GPX5: variants seen among roughly 807,000 people sequenced by gnomAD.
The protein encoded by GPX5 is epididymal secretory glutathione peroxidase.
GPX5 carries 20 observed loss-of-function variants against 23.8 expected under a neutral mutation model. The ratio of observed to expected loss-of-function variants is 0.84; its 90% CI spans 0.59 to 1.22. GPX5 has a LOEUF of 1.22. GPX5 is among the 50% of genes most tolerant of loss of function. GPX5 has a pLI of 0.00. For missense variants in GPX5, 230 were observed against 266.6 expected, an observed-to-expected ratio of 0.86 and a Z score of 0.96; for synonymous variants, 92 against 99.5, an observed-to-expected ratio of 0.92 and a Z score of 0.45.
chr6:28,534,032 T>C lies in GPX5; in HGVS notation c.531T>C (p.His177=). 1 of 1,611,164 alleles carries C rather than the reference T, an allele frequency of 6.2e-7. No individual in the cohort carries two copies. The change falls in exon 5 of 5, where the codon CAT becomes CAC. Residue 177 remains histidine, a synonymous_variant. Transcript: ENST00000412168. ...KSISWDPVKV[H]DIRWNFEKFL... is the part of the protein sequence containing the mutation. ...TATCCTGGGACCCTGTAAAGGTCCA[T>C]GACATCCGTTGGAACTTTGAAAAGT...
rs1156565601 is a variant in GPX5, at chr6:28,531,791, C to G, written c.255C>G (p.Leu85=). The change falls in exon 3 of 5, where the codon CTC becomes CTG. Residue 85 remains leucine (L), a synonymous_variant. Coordinates refer to ENST00000412168, the MANE Select transcript of GPX5 (RefSeq NM_001509.3). The stretch of plus-strand genomic sequence containing the variant: ...CTCTAACTGCAGAACTAAATGCACT[C>G]CAGGAGGAGCTGAAGCCCTATGGTC... ...LTAQYPELNA[L]QEELKPYGLV... 6.2e-7 allele frequency: 1 copy of G among 1,610,946 alleles called. No homozygotes were observed. Among genetic ancestry groups the G allele is most frequent in the Non-Finnish European group, 8.5e-7 (1 of 1,178,322 alleles).
At chr6:28,530,167 C>T (rs28382598) in intron 2 of GPX5, 3 of 152,188 alleles carry the variant, frequency 2.0e-5, no homozygotes, top group Non-Finnish European at 4.4e-5. Context: ...ATACCTGGAA[C>T]TGCATTTGAT....
rs1285051613 is a variant in GPX5 at position 28,534,277 on chromosome 6, A to G, written c.*110A>G. On this transcript the variant is annotated 3_prime_UTR_variant, in exon 5 of 5. Coordinates refer to ENST00000412168, the MANE Select transcript of GPX5 (RefSeq NM_001509.3). ...TCTTCTCACCACACTCTCTTCCTGC[A>G]TGGGCTCCACCTGAGTAAATCACCG... is the stretch of plus-strand genomic sequence containing the variant. The G allele has an allele frequency of 2.9e-6, 2 of 687,052 alleles. No individual in the cohort carries two copies. The highest frequency in any genetic ancestry group is 2.3e-6 in the Non-Finnish European group (1 of 429,928). The allele number at this position is 687,052 out of a possible 1,614,324, so 42.6% of individuals were successfully genotyped here.
At chr6:28,528,793 G>GTA (rs1366922913) in intron 1 of GPX5, among the ~76,000 whole-genome samples, 3,867 of 123,736 alleles carry the variant, frequency 0.031, 137 homozygotes, top group Non-Finnish European at 0.046. Flanking sequence ...GTATATATAT[G>GTA]TGTATATATA....
chr6:28,534,237 A>C lies in GPX5; in HGVS notation c.*70A>C. 8.9e-7 allele frequency: 1 copy of C among 1,121,548 alleles called. No homozygotes were observed. 69.5% of individuals were successfully genotyped at this position (1,121,548 alleles called of 1,614,324 possible). Reference sequence around the variant, plus strand: ...GACTTGCTCTCCCCACCCCTCCAAAAAAAAGGAATACCCATCTTCTCACCA... The same window carrying C: ...GACTTGCTCTCCCCACCCCTCCAAACAAAAGGAATACCCATCTTCTCACCA... On this transcript the variant is annotated 3_prime_UTR_variant, in exon 5 of 5. Transcript: ENST00000412168.
At position 28,534,164 on chromosome 6, in the gene GPX5, A is replaced by G. The variant is rs1461055879; in HGVS notation, c.663A>G (p.Lys221=). 5.1e-6 allele frequency: 8 copies of G among 1,579,298 alleles called. No individual in the cohort carries two copies. The highest frequency in any genetic ancestry group is 6.0e-6 in the Non-Finnish European group (7 of 1,164,236). Residue 221 remains lysine, a synonymous_variant, in exon 5 of 5, where the codon AAA becomes AAG. Coordinates refer to ENST00000412168, the MANE Select transcript of GPX5 (RefSeq NM_001509.3). The part of the protein sequence containing the change: ...ILAYLKQFKT[K] ...CGTACTTGAAGCAATTCAAAACCAA[A>G]TAGGAAGGTGGAGTTAAGGGCAGGA...
At chr6:28,531,994 T>C (rs1763333323) in intron 3 of GPX5, 99 bp downstream of exon 3, 2 of 852,174 alleles carry the variant, frequency 2.3e-6, no homozygotes, top group Non-Finnish European at 3.9e-6. Context: ...AGGTATGGAT[T>C]AATAGGCTCA....
At position 28,526,198 on chromosome 6, in the gene GPX5, T is replaced by C. The variant is rs1763205855; in HGVS notation, c.87+98T>C. The C allele has an allele frequency of 4.4e-6, 4 of 916,708 alleles. No individual in the cohort carries two copies. In the South Asian group the frequency reaches 5.7e-5, roughly 13 times the overall value. 56.8% of individuals were successfully genotyped at this position (916,708 alleles called of 1,614,324 possible). ...TTGTAAGACTCCAACTCCTGCTTTC[T>C]TCTTCTTTGCCAGTTCCCCTAAACC... On this transcript the variant is annotated intron_variant, in intron 1 of 4. Transcript: ENST00000412168.
intron 4 of GPX5, among the ~76,000 whole-genome samples, chr6:28,533,470 C>T (rs190031924): frequency 2.3e-4 from 35 of 152,278 alleles, no homozygotes; most frequent in African/African-American, 8.4e-4. Flanking sequence ...CCTTTATTCA[C>T]AAATTATGAC....
intron 2 of GPX5, among the ~76,000 whole-genome samples, chr6:28,531,339 C>G (rs1247064466): frequency 7.1e-6 from 1 of 140,044 alleles, no homozygotes; most frequent in Non-Finnish European, 1.5e-5. Context: ...CCACTGCACT[C>G]CAGCCTGGGC....
chr6:28,529,690 T>A, intron 2 of GPX5, 86 bp downstream of exon 2: 1 of 950,752 alleles, frequency 1.1e-6, no homozygotes, highest in Non-Finnish European at 1.5e-6. Flanking sequence ...ATATTTTAAT[T>A]ATAATTATGT....
chr6:28,533,806 T>G (rs1250029708), intron 4 of GPX5, among the ~76,000 whole-genome samples, 155 bp from the exon 5 acceptor site: 1 of 152,182 alleles, frequency 6.6e-6, no homozygotes. Context: ...GTAGTTGGCA[T>G]AGTGGTGATT....
intron 2 of GPX5, chr6:28,529,873 G>C: frequency 3.0e-6 from 1 of 328,048 alleles, no homozygotes; most frequent in South Asian, 1.1e-4. Flanking sequence ...CTGTAAAATA[G>C]AGGTTAGTAG....
chr6:28,533,289 C>G (rs926447733), intron 4 of GPX5, among the ~76,000 whole-genome samples: 6 of 152,092 alleles, frequency 3.9e-5, no homozygotes, highest in African/African-American at 1.2e-4. Context: ...CAAGACCAGT[C>G]CATGTTAAGA....
In GPX5 at chr6:28,526,110, C is replaced by T; in HGVS notation, c.87+10C>T. On this transcript the variant is annotated intron_variant, in intron 1 of 4. Transcript: ENST00000412168. ...GCAGGAGAAGATGAAGGTGAGTGAG[C>T]TTCAGAGAGGGCATGGTAGTTACTC... 6.2e-7 allele frequency: 1 copy of T among 1,603,376 alleles called. No homozygotes were observed. Among genetic ancestry groups the T allele is most frequent in the Non-Finnish European group, 8.5e-7 (1 of 1,171,264 alleles).
At chr6:28,528,813 GTATATATATATATATA>G (rs70983945) in intron 1 of GPX5, among the ~76,000 whole-genome samples, 5 of 95,710 alleles carry the variant, frequency 5.2e-5, no homozygotes, top group African/African-American at 1.1e-4. Context: ...ATATATGTGT[GTATATATATATATATA>G]TATATATATA....
chr6:28,526,395 G>C (rs576679254), intron 1 of GPX5, among the ~76,000 whole-genome samples: 6 of 152,314 alleles, frequency 3.9e-5, no homozygotes, highest in African/African-American at 1.4e-4. Flanking sequence ...CTCTGCTTCA[G>C]AGCTGGGTCT....
rs1193939654 is a variant in GPX5, at chr6:28,531,370, C to CA, written c.242-385dup. On this transcript the variant is annotated intron_variant, in intron 2 of 4. Coordinates refer to ENST00000412168, the MANE Select transcript of GPX5 (RefSeq NM_001509.3). Reference sequence around the variant, plus strand: ...TGGGCGACAGAGTGAGAATCTGTCTCAAAAAAAAAAAAAAAAAAAAAAAGA... The same window carrying CA: ...TGGGCGACAGAGTGAGAATCTGTCTCAAAAAAAAAAAAAAAAAAAAAAAAGA... Among the ~76,000 whole-genome samples, 320 of 50,068 alleles carry CA rather than the reference C, an allele frequency of 6.4e-3. 7 individuals carry two copies. Among genetic ancestry groups the CA allele is most frequent in the Middle Eastern group, 0.019 (1 of 52 alleles). The allele number at this position is 50,068 out of a possible 152,430, so 32.8% of individuals were successfully genotyped here.
intron 2 of GPX5, among the ~76,000 whole-genome samples, chr6:28,531,316 A>C (rs1763308165): frequency 7.0e-6 from 1 of 143,020 alleles, no homozygotes; most frequent in South Asian, 2.3e-4. Context: ...GGTTGCAGTG[A>C]GCCGAGATCG....
Sources: gnomAD v4.1 joint callset for allele counts (sites outside exome capture counted in the v4.1 genomes callset) on GRCh38, gnomAD v4.1.1 for gene constraint, MANE v1.5 for transcripts, NCBI Gene and HGNC (gene_info 2026-07-23, HGNC 2026-07-21) for gene names.